Variants in SAMD12 observed in about 807,000 individuals in gnomAD.
SAMD12 encodes sterile alpha motif domain containing 12.
SAMD12 carries 9 observed loss-of-function variants against 15.0 expected under a neutral mutation model. That is an observed-to-expected ratio of 0.60 (90% CI 0.36 to 1.05). SAMD12 has a LOEUF of 1.05. SAMD12 is among the 50% of genes least tolerant of loss of function. The pLI is 0.01. For synonymous variants in SAMD12, 86 were observed against 90.1 expected (o/e 0.96, Z 0.25); for missense variants, 230 against 234.2 (o/e 0.98, Z 0.12).
chr8:118,188,887 C>T (rs1165555189), downstream of SAMD12, among the ~76,000 whole-genome samples: 1 of 152,032 alleles, frequency 6.6e-6, no homozygotes, highest in African/African-American at 2.4e-5. Context: ...TGTCTGGAAG[C>T]ACTGGTTTCT....
chr8:118,440,374 C>A (rs1323613201), intron 2 of SAMD12, among the ~76,000 whole-genome samples: 1 of 152,146 alleles, frequency 6.6e-6, no homozygotes, highest in Non-Finnish European at 1.5e-5. Context: ...TAGCACAACA[C>A]TGGCTCCAGG....
At chr8:118,309,873 T>C (rs1815547420) in intron 4 of SAMD12, among the ~76,000 whole-genome samples, 1 of 152,234 alleles carries the variant, frequency 6.6e-6, no homozygotes, top group South Asian at 2.1e-4. Context: ...CTCTCCCTAC[T>C]GTGCTCCTCT....
At chr8:118,368,393 T>C (rs1260986037) in intron 4 of SAMD12, among the ~76,000 whole-genome samples, 2 of 152,300 alleles carry the variant, frequency 1.3e-5, no homozygotes, top group East Asian at 3.9e-4. Flanking sequence ...GCTGAGCTCA[T>C]GGTCATAGAA....
chr8:118,449,124 G>A (rs944082905), intron 2 of SAMD12, among the ~76,000 whole-genome samples: 11 of 149,904 alleles, frequency 7.3e-5, no homozygotes, highest in Non-Finnish European at 1.0e-4. Flanking sequence ...GTGCAATGGC[G>A]TGATCTCTGC....
intron 4 of SAMD12, among the ~76,000 whole-genome samples, chr8:118,259,728 T>C (rs117684052): frequency 2.6e-4 from 39 of 152,118 alleles, no homozygotes; most frequent in Non-Finnish European, 5.1e-4. Context: ...TTTACTGTAC[T>C]AGGAGAGCTG....
chr8:118,263,885 T>C (rs1219400578), intron 4 of SAMD12, among the ~76,000 whole-genome samples: 1 of 152,090 alleles, frequency 6.6e-6, no homozygotes, highest in African/African-American at 2.4e-5. Context: ...ACAGTCCTTA[T>C]AAAGCTTCCA....
chr8:118,187,779 C>G (rs1819269087), downstream of SAMD12, among the ~76,000 whole-genome samples: 1 of 152,150 alleles, frequency 6.6e-6, no homozygotes, highest in Admixed American at 6.6e-5. Flanking sequence ...GAAAACACAT[C>G]TGGTGTAGTC....
intron 4 of SAMD12, among the ~76,000 whole-genome samples, chr8:118,296,264 C>T (rs972877571): frequency 2.0e-5 from 3 of 152,200 alleles, no homozygotes; most frequent in African/African-American, 7.2e-5. Flanking sequence ...CAAACCCTCT[C>T]TGTGATGCCC....
At chr8:118,352,716 G>A (rs1298020535) in intron 4 of SAMD12, among the ~76,000 whole-genome samples, 1 of 152,092 alleles carries the variant, frequency 6.6e-6, no homozygotes, top group East Asian at 1.9e-4. Context: ...AGTACCTCAC[G>A]GTTTCTCAAA....
intron 3 of SAMD12, among the ~76,000 whole-genome samples, chr8:118,416,774 A>G (rs1821714066): frequency 6.6e-6 from 1 of 152,184 alleles, no homozygotes; most frequent in Admixed American, 6.5e-5. Flanking sequence ...CCACCCCTTC[A>G]ATCCTTAGCA....
At chr8:118,418,128 T>G (rs1821798672) in intron 3 of SAMD12, among the ~76,000 whole-genome samples, 1 of 152,212 alleles carries the variant, frequency 6.6e-6, no homozygotes, top group African/African-American at 2.4e-5. Flanking sequence ...TTTGTAAAAT[T>G]GAGGTAGTGC....
chr8:118,184,483 ATTTCTTTC>A (rs149904759), downstream of SAMD12, among the ~76,000 whole-genome samples: 4 of 151,086 alleles, frequency 2.6e-5, no homozygotes, highest in Non-Finnish European at 5.9e-5. Context: ...TTTCTGAATA[ATTTCTTTC>A]TTTCTTTCTT....
At chr8:118,453,526 T>C (rs1413038708) in intron 2 of SAMD12, among the ~76,000 whole-genome samples, 2 of 152,092 alleles carry the variant, frequency 1.3e-5, no homozygotes, top group African/African-American at 4.8e-5. Context: ...TTTGGGGGTA[T>C]TTATTTATCT....
chr8:118,505,923 T>A (rs1201040168), intron 2 of SAMD12, among the ~76,000 whole-genome samples: 2 of 152,100 alleles, frequency 1.3e-5, no homozygotes, highest in African/African-American at 4.8e-5. Context: ...CAGAACAGAA[T>A]TTGGATATTC....
intron 2 of SAMD12, among the ~76,000 whole-genome samples, chr8:118,455,787 G>A (rs1823231217): frequency 6.6e-6 from 1 of 152,136 alleles, no homozygotes; most frequent in Non-Finnish European, 1.5e-5. Context: ...GAAAATCCCA[G>A]TAATCATCCT....
chr8:118,184,133 C>T, the SAMD12 span, among the ~76,000 whole-genome samples: 5 of 152,008 alleles, frequency 3.3e-5, no homozygotes, highest in South Asian at 1.0e-3. Context: ...AGGACTGATT[C>T]TCATTATAGC....
the SAMD12 span, among the ~76,000 whole-genome samples, chr8:118,135,511 A>G: frequency 2.0e-5 from 3 of 151,138 alleles, 1 homozygote; most frequent in Middle Eastern, 7.0e-3. Context: ...ACAGACTTGA[A>G]TGAGGAATTT....
At chr8:118,277,752 T>A (rs1214073854) in intron 4 of SAMD12, among the ~76,000 whole-genome samples, 1 of 152,250 alleles carries the variant, frequency 6.6e-6, no homozygotes, top group Non-Finnish European at 1.5e-5. Flanking sequence ...TTATTACTAC[T>A]ACCATTTTAT....
At chr8:118,596,493 A>G (rs1288200608) in intron 1 of SAMD12, among the ~76,000 whole-genome samples, 1 of 152,052 alleles carries the variant, frequency 6.6e-6, no homozygotes, top group Non-Finnish European at 1.5e-5. Flanking sequence ...CCCACCTCCC[A>G]CCCAGGTCTC....
Sources: allele counts gnomAD v4.1 joint callset (sites outside exome capture counted in the v4.1 genomes callset), GRCh38; gene constraint gnomAD v4.1.1; transcripts MANE v1.5; gene names NCBI Gene and HGNC (gene_info 2026-07-23, HGNC 2026-07-21).